Variants in SPEF2 observed in about 807,000 individuals in gnomAD.
SPEF2 encodes the protein sperm flagellar and cilia associated 2.
SPEF2 carries 187 observed loss-of-function variants against 224.6 expected under a neutral mutation model. The ratio of observed to expected loss-of-function variants is 0.83; its 90% confidence interval spans 0.74 to 0.94. SPEF2 has a LOEUF of 0.94. Among genes scored for constraint, SPEF2 ranks in the 40% least tolerant of loss-of-function variants. The probability of loss-of-function intolerance (pLI) is 0.00; values close to 1 mark genes in which losing one functional copy is unlikely to be tolerated. For missense variants in SPEF2, 2,170 were observed against 2,135.6 expected (o/e 1.02, Z -0.32); for synonymous variants, 715 against 707.3 (o/e 1.01, Z -0.17).
chr5:35,739,071 T>C (rs1428570816), intron 21 of SPEF2, among the ~76,000 whole-genome samples: 1 of 152,216 alleles, frequency 6.6e-6, no homozygotes, highest in Non-Finnish European at 1.5e-5. Context: ...TCTTCAGATG[T>C]GTTCAAACAT....
intron 30 of SPEF2, among the ~76,000 whole-genome samples, chr5:35,785,493 A>C (rs1164967931): frequency 6.6e-6 from 1 of 151,966 alleles, no homozygotes; most frequent in African/African-American, 2.4e-5. Flanking sequence ...TTGGAAATTA[A>C]ATTTTTTTAA....
chr5:35,711,283 T>C (rs1741056850), intron 19 of SPEF2, among the ~76,000 whole-genome samples: 1 of 152,020 alleles, frequency 6.6e-6, no homozygotes, highest in Admixed American at 6.5e-5. Flanking sequence ...GTTATTTTGT[T>C]AAAAAATTTT....
chr5:35,644,994 TC>T (rs2149410539), intron 4 of SPEF2, among the ~76,000 whole-genome samples: 1 of 152,326 alleles, frequency 6.6e-6, no homozygotes, highest in Non-Finnish European at 1.5e-5. Context: ...GCTTACCTTT[TC>T]AATCACCTTG....
chr5:35,696,126 A>AT (rs1755278772), intron 14 of SPEF2, among the ~76,000 whole-genome samples: 1 of 152,016 alleles, frequency 6.6e-6, no homozygotes, highest in Non-Finnish European at 1.5e-5. Flanking sequence ...ACCTTTAAAT[A>AT]TTTTTTCCAG....
chr5:35,622,353 C>G (rs1045464355), intron 1 of SPEF2, among the ~76,000 whole-genome samples: 2 of 152,052 alleles, frequency 1.3e-5, no homozygotes, highest in African/African-American at 4.8e-5. Context: ...TTTAAGAAAA[C>G]ATAGAGATAT....
In SPEF2 at chr5:35,695,806, A is replaced by G. The variant is rs755886100; in HGVS notation, c.2037+10A>G. The G allele has an allele frequency of 7.2e-5, 114 of 1,593,616 alleles. No individual in the cohort carries two copies. Among genetic ancestry groups the G allele is most frequent in the Non-Finnish European group, 9.2e-5 (107 of 1,166,746 alleles). On this transcript the variant is annotated intron_variant, in intron 14 of 36. Coordinates refer to ENST00000356031, the MANE Select transcript of SPEF2 (RefSeq NM_024867.4). ...TGATAGTTTCTTAAAAGTAAGTATT[A>G]TGATCTAATTTTAGCTACTAACATA...
chr5:35,691,373 T>A, intron 11 of SPEF2, 117 bp downstream of exon 11: 1 of 814,910 alleles, frequency 1.2e-6, no homozygotes, highest in East Asian at 2.7e-5. Context: ...TTGGGAAATC[T>A]CTGTCATCAA....
intron 10 of SPEF2, among the ~76,000 whole-genome samples, chr5:35,689,599 G>A (rs982456005): frequency 6.6e-6 from 1 of 152,136 alleles, no homozygotes; most frequent in Non-Finnish European, 1.5e-5. Flanking sequence ...AAGTGAGAAT[G>A]CAGCATTGAT....
At chr5:35,777,889 G>T (rs921068288) in intron 29 of SPEF2, among the ~76,000 whole-genome samples, 1 of 151,996 alleles carries the variant, frequency 6.6e-6, no homozygotes, top group African/African-American at 2.4e-5. Context: ...TATCGTGCCG[G>T]GCTATGGTTG....
At chr5:35,726,830 T>C (rs541468389) in intron 20 of SPEF2, among the ~76,000 whole-genome samples, 5 of 152,216 alleles carry the variant, frequency 3.3e-5, no homozygotes, top group Non-Finnish European at 5.9e-5. Flanking sequence ...ATTAGTGCTC[T>C]CTGAGTTAAG....
intron 30 of SPEF2, chr5:35,789,756 G>C: frequency 1.4e-6 from 1 of 699,038 alleles, no homozygotes; most frequent in Non-Finnish European, 2.6e-6. Context: ...TGGTCTGTGT[G>C]AGTTTCTTTT....
chr5:35,765,562 A>G lies in SPEF2; in HGVS notation c.3801+1860A>G, dbSNP rs533446890. ...GTTTCACCGCACTATCATCTTTGTC[A>G]TACATTAGATGACCACTTATGTGTA... On this transcript the variant is annotated intron_variant, in intron 26 of 36. Transcript: ENST00000356031. Among the ~76,000 whole-genome samples, 8 of 152,232 alleles carry G rather than the reference A, an allele frequency of 5.3e-5. No homozygotes were observed. In the East Asian group the frequency reaches 1.5e-3, roughly 29 times the overall value.
In SPEF2 at chr5:35,696,635, G is replaced by A. The variant is rs866618033; in HGVS notation, c.2037+839G>A. ...GATATATCAGTGAATACAAAAGACAGGATTTCCTGCCCTTATGGTGTTTAC... is the reference window on the plus strand; with the variant it reads ...GATATATCAGTGAATACAAAAGACAAGATTTCCTGCCCTTATGGTGTTTAC... On this transcript the variant is annotated intron_variant, in intron 14 of 36. Transcript: ENST00000356031. Among the ~76,000 whole-genome samples, 6 of 152,238 alleles carry A rather than the reference G, an allele frequency of 3.9e-5. No homozygotes were observed. In the South Asian group the frequency reaches 1.2e-3, roughly 32 times the overall value.
At chr5:35,654,818 T>C in intron 7 of SPEF2, 92 bp downstream of exon 7, 3 of 1,098,422 alleles carry the variant, frequency 2.7e-6, no homozygotes, top group Non-Finnish European at 3.8e-6. Flanking sequence ...ATATATGTAT[T>C]GTCTGCTACT....
intron 10 of SPEF2, among the ~76,000 whole-genome samples, chr5:35,674,074 T>C (rs1425415358): frequency 6.6e-6 from 1 of 152,238 alleles, no homozygotes; most frequent in South Asian, 2.1e-4. Context: ...GTTAAGGGCA[T>C]GTGAATCGAT....
chr5:35,747,623 C>A (rs1748754382), intron 23 of SPEF2, among the ~76,000 whole-genome samples: 1 of 152,148 alleles, frequency 6.6e-6, no homozygotes, highest in African/African-American at 2.4e-5. Flanking sequence ...CCTTGTGCAA[C>A]AGGAAAATAT....
At chr5:35,672,408 A>C (rs978962343) in intron 10 of SPEF2, among the ~76,000 whole-genome samples, 15 of 149,864 alleles carry the variant, frequency 1.0e-4, no homozygotes, top group Non-Finnish European at 7.4e-5. Context: ...ATTTGCATTA[A>C]AACTCCTGAA....
At chr5:35,788,037 G>A (rs9292610) in intron 30 of SPEF2, 19 of 702,744 alleles carry the variant, frequency 2.7e-5, no homozygotes, top group East Asian at 1.3e-4. Context: ...GCCTTGTGTC[G>A]TAAGCATGGA....
At position 35,800,091 on chromosome 5, in the gene SPEF2, G is replaced by A. The variant is rs749415599; in HGVS notation, c.4954G>A (p.Ala1652Thr). 1.4e-5 allele frequency: 23 copies of A among 1,613,984 alleles called. No individual in the cohort carries two copies. The highest frequency in any genetic ancestry group is 3.3e-5 in the Admixed American group (2 of 60,000). ...VEGVYRALSVAVGTHVFQQVK... is the reference protein window; with the variant it reads ...VEGVYRALSVTVGTHVFQQVK... ...AGGAGTCTACAGGGCCCTCAGTGTG[G>A]CTGTTGGAACTCATGTCTTCCAACA... Residue 1652 changes from alanine to threonine, a missense_variant, in exon 34 of 37, where the codon GCT (alanine) becomes ACT (threonine). By Grantham distance (58) the Ala-to-Thr change is moderately conservative. Transcript: ENST00000356031.
Sources: allele counts gnomAD v4.1 joint callset (sites outside exome capture counted in the v4.1 genomes callset), GRCh38; gene constraint gnomAD v4.1.1; transcripts MANE v1.5; gene names NCBI Gene and HGNC (gene_info 2026-07-23, HGNC 2026-07-21).